Variants in ARIH2 observed in about 807,000 individuals in gnomAD.
The protein encoded by ARIH2 is ariadne RBR E3 ubiquitin protein ligase 2, also known as E3 ubiquitin-protein ligase ARIH2.
A neutral mutation model predicts 79.8 loss-of-function variants in ARIH2; 12 were observed. The ratio of observed to expected loss-of-function variants is 0.15; its 90% CI spans 0.10 to 0.24. ARIH2 has a LOEUF of 0.24. Among genes scored for constraint, ARIH2 ranks in the 10% least tolerant of loss-of-function variants. ARIH2 has a pLI of 1.00. For synonymous variants in ARIH2, 224 were observed against 213.9 expected (o/e 1.05, Z -0.41); for missense variants, 301 against 618.3 (o/e 0.49, Z 5.44).
At chr3:48,929,963 G>T (rs1386135127) in intron 3 of ARIH2, among the ~76,000 whole-genome samples, 1 of 152,208 alleles carries the variant, frequency 6.6e-6, no homozygotes. Context: ...ATAAGAGAAG[G>T]AAGAGAGTTG....
intron 8 of ARIH2, among the ~76,000 whole-genome samples, chr3:48,973,304 G>A (rs571422442): frequency 1.3e-4 from 20 of 151,784 alleles, no homozygotes; most frequent in Non-Finnish European, 2.1e-4. Flanking sequence ...TAGACTGGGC[G>A]CGGTGGCTCA....
intron 8 of ARIH2, among the ~76,000 whole-genome samples, chr3:48,971,968 CT>C (rs1357215457): frequency 1.3e-5 from 2 of 152,056 alleles, no homozygotes; most frequent in African/African-American, 4.8e-5. Context: ...ATTGGAGTGT[CT>C]TTTTTTTCTG....
intron 7 of ARIH2, 108 bp from the exon 8 acceptor site, chr3:48,970,487 A>G (rs1168420448): frequency 9.5e-6 from 7 of 739,174 alleles, no homozygotes; most frequent in African/African-American, 8.7e-5. Context: ...GCCCCTTCGT[A>G]TAAGTCATCA....
At chr3:48,980,219 C>G in intron 12 of ARIH2, 134 bp from the exon 13 acceptor site, 1 of 886,164 alleles carries the variant, frequency 1.1e-6, no homozygotes, top group Non-Finnish European at 1.7e-6. Flanking sequence ...AAGACCTGCT[C>G]TTGCACTTTG....
At chr3:48,941,967 C>T (rs1011630972) in intron 3 of ARIH2, among the ~76,000 whole-genome samples, 1 of 151,484 alleles carries the variant, frequency 6.6e-6, no homozygotes, top group African/African-American at 2.4e-5. Context: ...CACACTGCAC[C>T]CTCCGCCCCC....
At chr3:48,969,796 C>T (rs1352306859) in intron 7 of ARIH2, among the ~76,000 whole-genome samples, 1 of 151,768 alleles carries the variant, frequency 6.6e-6, no homozygotes, top group Non-Finnish European at 1.5e-5. Flanking sequence ...AATTTATGGT[C>T]TGGGTCTTGT....
chr3:48,973,575 C>CAA (rs537764456), intron 8 of ARIH2, 124 bp from the exon 9 acceptor site: 1,564 of 434,234 alleles, frequency 3.6e-3, no homozygotes, highest in East Asian at 4.9e-3. Flanking sequence ...GACTCTGTCT[C>CAA]AAAAAAAAAA....
Position 48,967,290 on chromosome 3 carries a change from A to G in ARIH2, c.538+15A>G, listed in dbSNP as rs6446196. 1,101,493 of 1,610,766 alleles carry G rather than the reference A, an allele frequency of 0.68. 382,204 individuals are homozygous for G. The highest frequency in any genetic ancestry group is 0.96 in the East Asian group (42,933 of 44,822). ...CGTGGGCGTGGGTGAGTCTGCCACA[A>G]AACTTATAAAAAGCTGGCATGAAGT... On this transcript the variant is annotated intron_variant, in intron 6 of 15. Coordinates refer to ENST00000356401, the MANE Select transcript of ARIH2 (RefSeq NM_006321.4).
In ARIH2 at chr3:48,970,741, C is replaced by T. The variant is rs757264913; in HGVS notation, c.770+37C>T. On this transcript the variant is annotated intron_variant, in intron 8 of 15. Transcript: ENST00000356401. ...TGTGAGTGCTGAGCAGCCCTGGGCT[C>T]ATGCCCCATCCTCCAAAGCACCACT... is the stretch of plus-strand genomic sequence containing the variant. The T allele has an allele frequency of 4.0e-6, 6 of 1,506,682 alleles. No homozygotes were observed. In the East Asian group the frequency reaches 9.0e-5, roughly 23 times the overall value. 93.3% of individuals were successfully genotyped at this position (1,506,682 alleles called of 1,614,324 possible).
At chr3:48,964,755 C>T (rs1010289299) in intron 4 of ARIH2, among the ~76,000 whole-genome samples, 164 bp from the exon 5 acceptor site, 1 of 151,942 alleles carries the variant, frequency 6.6e-6, no homozygotes, top group Non-Finnish European at 1.5e-5. Flanking sequence ...TTTGCATTTT[C>T]TGTCTTGAGA....
At chr3:48,919,115 G>C (rs1423187963) in intron 1 of ARIH2, 117 bp downstream of exon 1, 1 of 1,284,562 alleles carries the variant, frequency 7.8e-7, no homozygotes, top group African/African-American at 1.5e-5. Flanking sequence ...CGGGAGGCCC[G>C]GGCGCTCCCC....
intron 4 of ARIH2, 42 bp downstream of exon 4, chr3:48,961,721 C>T (rs766574090): frequency 1.6e-6 from 2 of 1,273,316 alleles, no homozygotes; most frequent in Non-Finnish European, 1.1e-6. Flanking sequence ...GCCCATAGCT[C>T]CCCTCTCCGT....
chr3:48,950,949 TTC>T (rs1491528138), intron 3 of ARIH2, among the ~76,000 whole-genome samples: 45 of 150,712 alleles, frequency 3.0e-4, no homozygotes, highest in African/African-American at 9.8e-4. Flanking sequence ...TTCTTTCTTC[TTC>T]TTTTTTTTTT....
intron 5 of ARIH2, 50 bp from the exon 6 acceptor site, chr3:48,967,075 C>A: frequency 6.3e-7 from 1 of 1,590,550 alleles, no homozygotes; most frequent in Non-Finnish European, 8.6e-7. Flanking sequence ...ACCCTTATGG[C>A]CTTCTGGACC....
chr3:48,924,459 G>C (rs1267382642), intron 2 of ARIH2, among the ~76,000 whole-genome samples: 1 of 151,470 alleles, frequency 6.6e-6, no homozygotes, highest in Non-Finnish European at 1.5e-5. Context: ...GGCCCAAGCA[G>C]TTCTTCGATG....
chr3:48,960,365 A>G (rs922205638), intron 3 of ARIH2, among the ~76,000 whole-genome samples: 21 of 152,038 alleles, frequency 1.4e-4, no homozygotes, highest in Non-Finnish European at 7.4e-5. Flanking sequence ...GGATCACCTG[A>G]GCCCAGGAGT....
chr3:48,954,751 G>A (rs558048748), intron 3 of ARIH2, among the ~76,000 whole-genome samples: 73 of 152,284 alleles, frequency 4.8e-4, no homozygotes, highest in African/African-American at 1.7e-3. Flanking sequence ...ACCCTTTTTG[G>A]CCCTTGATAT....
intron 3 of ARIH2, among the ~76,000 whole-genome samples, chr3:48,948,120 C>G (rs921056973): frequency 4.6e-5 from 7 of 152,056 alleles, no homozygotes; most frequent in African/African-American, 1.7e-4. Flanking sequence ...ACCACCACGC[C>G]TGGCTAATTT....
At chr3:48,968,448 A>G in intron 6 of ARIH2, 86 bp from the exon 7 acceptor site, 1 of 1,365,760 alleles carries the variant, frequency 7.3e-7, no homozygotes, top group Non-Finnish European at 1.0e-6. Flanking sequence ...ACCTCAGGTG[A>G]TCTGCCTGCC....
Sources: allele counts gnomAD v4.1 joint callset (sites outside exome capture counted in the v4.1 genomes callset), GRCh38; gene constraint gnomAD v4.1.1; transcripts MANE v1.5; gene names NCBI Gene and HGNC (gene_info 2026-07-23, HGNC 2026-07-21).